The following DAAM2 variants were observed in gnomAD, a reference collection of about 807,000 sequenced individuals.
DAAM2 encodes the protein dishevelled associated activator of morphogenesis 2.
Under a neutral mutation model 120.7 loss-of-function variants are expected in DAAM2, and 39 were observed. The observed-to-expected ratio is 0.32, with a 90% CI of 0.25 to 0.42. DAAM2 has a LOEUF of 0.42. Among genes scored for constraint, DAAM2 ranks in the 10% least tolerant of loss-of-function variants. The pLI is 1.00. For missense variants in DAAM2, 1,283 were observed against 1,401.7 expected (o/e 0.92, Z 1.35); for synonymous variants, 488 against 524.9 (o/e 0.93, Z 0.96).
chr6:39,840,347 T>C (rs550968902), intron 1 of DAAM2, among the ~76,000 whole-genome samples: 1 of 152,254 alleles, frequency 6.6e-6, no homozygotes, highest in Non-Finnish European at 1.5e-5. Flanking sequence ...GAACATTGGT[T>C]TCCTTAAAAT....
At chr6:39,883,076 G>A (rs1219068236) in intron 14 of DAAM2, among the ~76,000 whole-genome samples, 1 of 152,182 alleles carries the variant, frequency 6.6e-6, no homozygotes, top group Non-Finnish European at 1.5e-5. Context: ...GGACAGCAAA[G>A]CTCTAGATGA....
chr6:39,833,847 C>T (rs1448136482), intron 1 of DAAM2, among the ~76,000 whole-genome samples: 1 of 152,134 alleles, frequency 6.6e-6, no homozygotes, highest in Non-Finnish European at 1.5e-5. Context: ...AAATATTTTC[C>T]TTGTGAAATC....
At chr6:39,881,637 T>TG (rs1765123986) in intron 14 of DAAM2, among the ~76,000 whole-genome samples, 1 of 151,964 alleles carries the variant, frequency 6.6e-6, no homozygotes, top group Admixed American at 6.6e-5. Flanking sequence ...GAATTAAACC[T>TG]GGGGGGCGGA....
In DAAM2 at chr6:39,857,939, T is replaced by C. The variant is rs920374032; in HGVS notation, c.168+1469T>C. On this transcript the variant is annotated intron_variant, in intron 2 of 24. Transcript: ENST00000274867. The stretch of plus-strand genomic sequence containing the variant: ...GAGCAGTGACAAGTGTGATGAGTGC[T>C]AGGACAGGGAGCATTCTGGGGGTGG... Among the ~76,000 whole-genome samples the C allele has an allele frequency of 2.6e-5, 4 of 151,964 alleles. No individual in the cohort carries two copies. The East Asian group carries it at 7.8e-4, about 29-fold the overall frequency.
chr6:39,864,545 G>A lies in DAAM2; in HGVS notation c.333+38G>A, dbSNP rs1479157017. 1.9e-6 allele frequency: 3 copies of A among 1,551,040 alleles called. No individual in the cohort carries two copies. In the South Asian group the frequency reaches 3.5e-5, roughly 18 times the overall value. On this transcript the variant is annotated intron_variant, in intron 4 of 24. Transcript: ENST00000274867. ...CCCTCTCCTGCCCTGCCCCCACCTG[G>A]AAAGGCTACGGCAGGGAGTGATTCC...
At chr6:39,875,500 C>T in intron 11 of DAAM2, 32 bp downstream of exon 11, 1 of 1,598,720 alleles carries the variant, frequency 6.3e-7, no homozygotes, top group Non-Finnish European at 8.5e-7. Flanking sequence ...CCCTGTCTTC[C>T]TCCACCTTCC....
chr6:39,841,630 T>A (rs528371231), intron 1 of DAAM2, among the ~76,000 whole-genome samples: 1 of 152,182 alleles, frequency 6.6e-6, no homozygotes, highest in Non-Finnish European at 1.5e-5. Flanking sequence ...CAGCAGGCAC[T>A]TTCCAGGATG....
At chr6:39,894,482 A>G (rs1765946231) in intron 19 of DAAM2, among the ~76,000 whole-genome samples, 1 of 152,176 alleles carries the variant, frequency 6.6e-6, no homozygotes, top group African/African-American at 2.4e-5. Context: ...CACCCAGGTC[A>G]AGAAATACAG....
intron 1 of DAAM2, chr6:39,820,033 T>C (rs1762437177): frequency 6.6e-6 from 1 of 152,250 alleles, no homozygotes; most frequent in African/African-American, 2.4e-5. Context: ...TGTTCAACAC[T>C]CTGCTCGTGG....
At chr6:39,798,942 A>G (rs1761780392) in intron 1 of DAAM2, among the ~76,000 whole-genome samples, 1 of 152,202 alleles carries the variant, frequency 6.6e-6, no homozygotes, top group Non-Finnish European at 1.5e-5. Context: ...TTTACAGCTC[A>G]TAAAAGTCAA....
At chr6:39,887,338 C>T in intron 15 of DAAM2, 148 bp from the exon 16 acceptor site, 1 of 591,512 alleles carries the variant, frequency 1.7e-6, no homozygotes, top group African/African-American at 1.9e-5. Context: ...AGCTATTATC[C>T]ACCCTCCTCT....
intron 1 of DAAM2, among the ~76,000 whole-genome samples, chr6:39,796,796 G>A (rs930543100): frequency 2.0e-5 from 3 of 151,922 alleles, no homozygotes; most frequent in Non-Finnish European, 2.9e-5. Context: ...CAGGTCACAA[G>A]CTTGCTAACC....
chr6:39,878,514 G>A lies in DAAM2; in HGVS notation c.1471G>A (p.Ala491Thr), dbSNP rs1393855736. 1 of 1,610,522 alleles carries A rather than the reference G, an allele frequency of 6.2e-7. No homozygotes were observed. Among genetic ancestry groups the A allele is most frequent in the Admixed American group, 1.7e-5 (1 of 59,624 alleles). Reference protein sequence around the residue: ...RTLNKMKDKLARESQELRQAR... With the variant: ...RTLNKMKDKLTRESQELRQAR... The stretch of plus-strand genomic sequence containing the variant: ...GCTGAACAAAATGAAGGACAAGCTG[G>A]CCCGGGAGTCCCAGGAGCTGCGCCA... Residue 491 changes from alanine to threonine, a missense_variant, in exon 13 of 25, where the codon GCC (alanine) becomes ACC (threonine). This residue lies in a region of DAAM2 where 748 missense variants were observed against 768.6 expected (regional missense o/e 0.97). Transcript: ENST00000274867. The surrounding 1 kb of genome is among the most constrained non-coding windows in gnomAD (Gnocchi z 5.0).
chr6:39,866,614 A>C (rs752038671), intron 5 of DAAM2, among the ~76,000 whole-genome samples: 3 of 152,262 alleles, frequency 2.0e-5, no homozygotes, highest in Non-Finnish European at 4.4e-5. Context: ...ATAGATAAAA[A>C]GATAGGCATA....
Position 39,888,755 on chromosome 6 carries a change from C to A in DAAM2, c.2137C>A (p.Leu713Met), listed in dbSNP as rs552570006. 167 of 1,612,100 alleles carry A rather than the reference C, an allele frequency of 1.0e-4. 3 individuals carry two copies. In the South Asian group the frequency reaches 1.7e-3, roughly 17 times the overall value. The change falls in exon 17 of 25, where the codon CTG becomes ATG. Residue 713 changes from leucine (L) to methionine (M), a missense_variant. By Grantham distance (15) the Leu-to-Met change is conservative. Around this residue, in one of 3 missense-constraint regions of DAAM2, gnomAD observed 748 missense variants for 768.6 expected, o/e 0.97. Coordinates refer to ENST00000274867, the MANE Select transcript of DAAM2 (RefSeq NM_001201427.2). The stretch of plus-strand genomic sequence containing the variant: ...GCAGGAGGACCTTGCTAAGGACATG[C>A]TGGAGCAGGTGAGGACCCTCGTGGG... ...DEQEDLAKDM[L>M]EQLLKFIPEK...
At chr6:39,867,395 G>A (rs2149306607) in intron 5 of DAAM2, 115 bp from the exon 6 acceptor site, 2 of 881,670 alleles carry the variant, frequency 2.3e-6, no homozygotes, top group South Asian at 1.6e-5. Flanking sequence ...TAAACCAAGT[G>A]GCTACTGTAG....
intron 10 of DAAM2, among the ~76,000 whole-genome samples, chr6:39,874,184 A>G (rs1249340125): frequency 1.3e-5 from 2 of 152,226 alleles, no homozygotes; most frequent in Non-Finnish European, 2.9e-5. Context: ...TTGAATAGTG[A>G]GTGAACCTGA....
intron 1 of DAAM2, among the ~76,000 whole-genome samples, chr6:39,852,148 G>T (rs1034336263): frequency 6.6e-6 from 1 of 152,180 alleles, no homozygotes; most frequent in African/African-American, 2.4e-5. Context: ...TTCATGGAGA[G>T]AAAAGTGGGT....
At chr6:39,897,398 T>G in intron 21 of DAAM2, 116 bp downstream of exon 21, 1 of 669,168 alleles carries the variant, frequency 1.5e-6, no homozygotes. Context: ...CCTCGGTTCT[T>G]GTCTTCTGAG....
Sources: gnomAD v4.1 joint callset for allele counts (sites outside exome capture counted in the v4.1 genomes callset) on GRCh38, gnomAD v4.1.1 for gene constraint, gnomAD v4.1.1 regional missense constraint, Gnocchi (gnomAD v3.1) non-coding constraint, MANE v1.5 for transcripts, NCBI Gene and HGNC (gene_info 2026-07-23, HGNC 2026-07-21) for gene names.